The following HPSE2 variants were observed in gnomAD, a reference collection of about 807,000 sequenced individuals.
HPSE2 encodes inactive heparanase-2.
In HPSE2, 38 loss-of-function variants were observed where a neutral mutation model predicts 60.5. The observed-to-expected ratio is 0.63, with a 90% CI of 0.48 to 0.82. The LOEUF (loss-of-function observed/expected upper bound fraction) is 0.82. Among genes scored for constraint, HPSE2 ranks in the 40% least tolerant of loss-of-function variants. HPSE2 has a pLI of 0.00. For synonymous variants in HPSE2, 295 were observed against 293.2 expected (o/e 1.01, Z -0.06); for missense variants, 713 against 740.4 (o/e 0.96, Z 0.43).
rs34799799 is a variant in HPSE2, at chr10:99,083,966, CTT to C, written c.610+60270_610+60271del. On this transcript the variant is annotated intron_variant, in intron 3 of 11. Transcript: ENST00000370552. ...AAACCATATGGGAATGTGTGAAAGC[CTT>C]TTTTTTTTTTTTTTTTTTTTTTTTA... Among the ~76,000 whole-genome samples, 196 of 79,760 alleles carry C rather than the reference CTT, an allele frequency of 2.5e-3. 3 individuals are homozygous for C. Among genetic ancestry groups the C allele is most frequent in the East Asian group, 4.7e-3 (12 of 2,576 alleles). 52.3% of individuals were successfully genotyped at this position (79,760 alleles called of 152,430 possible).
chr10:98,997,484 G>T (rs1346967486), intron 3 of HPSE2, among the ~76,000 whole-genome samples: 1 of 152,100 alleles, frequency 6.6e-6, no homozygotes, highest in African/African-American at 2.4e-5. Flanking sequence ...TAGAAGGCTT[G>T]TTATAGATTT....
At chr10:99,187,998 T>C (rs565214193) in intron 2 of HPSE2, among the ~76,000 whole-genome samples, 27 of 152,302 alleles carry the variant, frequency 1.8e-4, no homozygotes, top group Non-Finnish European at 3.2e-4. Flanking sequence ...CATCAGGTGG[T>C]AAATGGATAA....
chr10:99,044,587 A>T (rs1307582464), intron 3 of HPSE2, among the ~76,000 whole-genome samples: 3 of 152,154 alleles, frequency 2.0e-5, no homozygotes, highest in African/African-American at 7.2e-5. Flanking sequence ...ACAAGACCCA[A>T]CCATTTGCTG....
chr10:98,982,108 G>A (rs1272384267), intron 3 of HPSE2, among the ~76,000 whole-genome samples: 2 of 150,164 alleles, frequency 1.3e-5, no homozygotes, highest in African/African-American at 4.9e-5. Context: ...AATTTTTTTA[G>A]AGAAAAAAGC....
At chr10:98,495,241 G>A (rs1419982099) in intron 9 of HPSE2, among the ~76,000 whole-genome samples, 1 of 151,854 alleles carries the variant, frequency 6.6e-6, no homozygotes, top group African/African-American at 2.4e-5. Context: ...AGTTTCTGAT[G>A]AGAAATCTGC....
At chr10:98,515,344 A>G (rs962612447) in intron 9 of HPSE2, among the ~76,000 whole-genome samples, 5 of 152,136 alleles carry the variant, frequency 3.3e-5, no homozygotes, top group African/African-American at 1.2e-4. Context: ...TTTTATTACC[A>G]AAGAATCTTG....
intron 3 of HPSE2, among the ~76,000 whole-genome samples, chr10:98,987,512 C>T (rs1471712486): frequency 2.6e-5 from 4 of 152,112 alleles, no homozygotes; most frequent in African/African-American, 7.2e-5. Flanking sequence ...TAAGAGCTAT[C>T]TATGACAAAC....
chr10:98,763,321 T>A (rs1283178191), intron 3 of HPSE2, among the ~76,000 whole-genome samples: 1 of 151,826 alleles, frequency 6.6e-6, no homozygotes, highest in Non-Finnish European at 1.5e-5. Flanking sequence ...ATTTAAAAAA[T>A]AAACTTAACA....
At chr10:99,132,225 G>GAA (rs1362965352) in intron 3 of HPSE2, among the ~76,000 whole-genome samples, 50 of 16,966 alleles carry the variant, frequency 2.9e-3, no homozygotes, top group Non-Finnish European at 7.9e-3. Context: ...GAGAGAGAGA[G>GAA]AGAGAGAGAG....
At chr10:98,946,089 T>G (rs1051606199) in intron 3 of HPSE2, among the ~76,000 whole-genome samples, 1 of 152,160 alleles carries the variant, frequency 6.6e-6, no homozygotes, top group African/African-American at 2.4e-5. Flanking sequence ...GATGAGCACA[T>G]AAAATATGTA....
At chr10:98,473,532 G>GAAAA (rs1554911865) in intron 11 of HPSE2, among the ~76,000 whole-genome samples, 1 of 139,608 alleles carries the variant, frequency 7.2e-6, no homozygotes, top group African/African-American at 2.7e-5. Flanking sequence ...AAGAGAGAGA[G>GAAAA]AGAAAGAAAG....
intron 7 of HPSE2, among the ~76,000 whole-genome samples, chr10:98,623,530 A>C (rs749001270): frequency 6.6e-6 from 1 of 152,182 alleles, no homozygotes; most frequent in Non-Finnish European, 1.5e-5. Flanking sequence ...CGTGTAAAAG[A>C]ACACATTAAC....
At chr10:98,976,592 C>A (rs550916481) in intron 3 of HPSE2, among the ~76,000 whole-genome samples, 121 of 152,238 alleles carry the variant, frequency 7.9e-4, no homozygotes, top group Non-Finnish European at 1.6e-3. Context: ...TCTAACGATA[C>A]AATTCTTAAC....
chr10:98,987,227 CA>C (rs1956385974), intron 3 of HPSE2, among the ~76,000 whole-genome samples: 1 of 152,070 alleles, frequency 6.6e-6, no homozygotes, highest in South Asian at 2.1e-4. Context: ...ACCTAATGAA[CA>C]TCGACGCAAA....
intron 2 of HPSE2, among the ~76,000 whole-genome samples, chr10:99,210,851 G>A (rs1469901912): frequency 6.6e-6 from 1 of 152,158 alleles, no homozygotes; most frequent in East Asian, 1.9e-4. Context: ...CTTCTGCTAA[G>A]ATGAGGAATA....
In HPSE2 at chr10:98,792,537, T is replaced by G. The variant is rs1025848864; in HGVS notation, c.611-48481A>C. 5.3e-5 allele frequency among the ~76,000 whole-genome samples: 8 copies of G among 152,004 alleles called. No individual in the cohort carries two copies. The South Asian group carries it at 1.7e-3, about 32-fold the overall frequency. On this transcript the variant is annotated intron_variant, in intron 3 of 11. Transcript: ENST00000370552. ...CTGAATTGGAAAGAATAAAGGGTAT[T>G]TTTGAACTTACAGTGCCTGAAAACA...
chr10:99,124,334 C>T (rs1279396247), intron 3 of HPSE2, among the ~76,000 whole-genome samples: 1 of 152,220 alleles, frequency 6.6e-6, no homozygotes, highest in Non-Finnish European at 1.5e-5. Context: ...CAGACTCCAG[C>T]CAGAACTCAC....
At chr10:99,245,990 T>C in the HPSE2 span, among the ~76,000 whole-genome samples, 1 of 152,200 alleles carries the variant, frequency 6.6e-6, no homozygotes, top group Non-Finnish European at 1.5e-5. Context: ...AATACAATGA[T>C]AGGTGAGAAA....
At chr10:99,183,996 C>CA (rs967570894) in intron 2 of HPSE2, among the ~76,000 whole-genome samples, 7 of 151,372 alleles carry the variant, frequency 4.6e-5, no homozygotes, top group African/African-American at 1.2e-4. Context: ...CCTTAAAAAA[C>CA]AAAAAAACTG....
Sources: allele counts gnomAD v4.1 joint callset (sites outside exome capture counted in the v4.1 genomes callset), GRCh38; gene constraint gnomAD v4.1.1; transcripts MANE v1.5; gene names NCBI Gene and HGNC (gene_info 2026-07-23, HGNC 2026-07-21).